The following ZNF804A variants were observed in gnomAD, a reference collection of about 807,000 sequenced individuals.
ZNF804A encodes zinc finger protein 804A.
ZNF804A carries 2 observed loss-of-function variants against 16.5 expected under a neutral mutation model. The observed-to-expected ratio is 0.12, with a 90% CI of 0.05 to 0.38. ZNF804A has a LOEUF of 0.38. ZNF804A is among the 10% of genes least tolerant of loss of function. ZNF804A has a pLI of 0.99. For missense variants in ZNF804A, 1,473 were observed against 1,390.7 expected, an observed-to-expected ratio of 1.06 and a Z score of -0.94; for synonymous variants, 534 against 489.6, an observed-to-expected ratio of 1.09 and a Z score of -1.20.
Position 184,828,292 on chromosome 2 carries a change from T to C in ZNF804A, c.112-38077T>C, listed in dbSNP as rs190975828. On this transcript the variant is annotated intron_variant, in intron 1 of 3. Transcript: ENST00000302277. ...ATCCAGTAGACTCAGAGTCCACAAA[T>C]AGTTTTATTTTGTTAATATAATTAC... Among the ~76,000 whole-genome samples, 341 of 151,948 alleles carry C rather than the reference T, an allele frequency of 2.2e-3. 1 individual carries two copies. The highest frequency in any genetic ancestry group is 3.7e-3 in the Non-Finnish European group (253 of 67,780).
chr2:184,645,088 T>C (rs992177174), intron 1 of ZNF804A, among the ~76,000 whole-genome samples: 1 of 152,106 alleles, frequency 6.6e-6, no homozygotes, highest in African/African-American at 2.4e-5. Flanking sequence ...GATCAGCCTC[T>C]AAAATCCTAT....
chr2:184,852,367 T>C (rs1355431076), intron 1 of ZNF804A, among the ~76,000 whole-genome samples: 3 of 151,508 alleles, frequency 2.0e-5, no homozygotes, highest in African/African-American at 7.3e-5. Context: ...AGGGGGCTAC[T>C]GTATTTTTCC....
intron 1 of ZNF804A, among the ~76,000 whole-genome samples, chr2:184,840,431 G>A (rs541772877): frequency 3.6e-4 from 55 of 151,942 alleles, no homozygotes; most frequent in African/African-American, 1.3e-3. Flanking sequence ...CTATTTTCTT[G>A]TTATTCTCTG....
intron 1 of ZNF804A, among the ~76,000 whole-genome samples, chr2:184,785,704 G>A (rs923372751): frequency 3.3e-5 from 5 of 151,910 alleles, no homozygotes; most frequent in Non-Finnish European, 2.9e-5. Context: ...ATGTATATGT[G>A]TGTATGCATA....
At chr2:184,646,511 C>T (rs1691876234) in intron 1 of ZNF804A, among the ~76,000 whole-genome samples, 1 of 152,198 alleles carries the variant, frequency 6.6e-6, no homozygotes, top group African/African-American at 2.4e-5. Flanking sequence ...CCCCACCCTT[C>T]CTGTGCAGAG....
At chr2:184,601,349 A>G (rs573807522) in intron 1 of ZNF804A, among the ~76,000 whole-genome samples, 9 of 152,164 alleles carry the variant, frequency 5.9e-5, no homozygotes, top group Admixed American at 3.9e-4. Flanking sequence ...GTGATTCTTT[A>G]TAGCACATAG....
intron 1 of ZNF804A, among the ~76,000 whole-genome samples, chr2:184,781,902 G>A (rs1694377236): frequency 1.3e-5 from 2 of 151,798 alleles, no homozygotes; most frequent in South Asian, 4.1e-4. Context: ...TCCCCATTCT[G>A]GAGGCTAAAA....
At position 184,735,175 on chromosome 2, in the gene ZNF804A, T is replaced by C. The variant is rs187450800; in HGVS notation, c.112-131194T>C. ...GTGTTTAAAATGATTATCTATATAG[T>C]TGGATTTCTATCTACCACTTGGTTT... On this transcript the variant is annotated intron_variant, in intron 1 of 3. Coordinates refer to ENST00000302277, the MANE Select transcript of ZNF804A (RefSeq NM_194250.2). Among the ~76,000 whole-genome samples, 28 of 152,328 alleles carry C rather than the reference T, an allele frequency of 1.8e-4. No homozygotes were observed. The East Asian group carries it at 5.0e-3, about 27-fold the overall frequency.
At chr2:184,861,419 A>G (rs886418544) in intron 1 of ZNF804A, among the ~76,000 whole-genome samples, 2 of 152,202 alleles carry the variant, frequency 1.3e-5, no homozygotes, top group Non-Finnish European at 2.9e-5. Context: ...ATGTTTCTGC[A>G]GGAAATAAGC....
At chr2:184,739,896 C>G (rs1693688495) in intron 1 of ZNF804A, among the ~76,000 whole-genome samples, 2 of 152,166 alleles carry the variant, frequency 1.3e-5, no homozygotes, top group African/African-American at 4.8e-5. Flanking sequence ...AGAATCAGTG[C>G]AGACATTCTC....
intron 1 of ZNF804A, among the ~76,000 whole-genome samples, chr2:184,644,024 C>A (rs76627958): frequency 0.27 from 40,791 of 151,392 alleles, 5,736 homozygotes; most frequent in African/African-American, 0.33. Context: ...CCATAAAATT[C>A]TCAAACTACC....
intron 2 of ZNF804A, 85 bp from the exon 3 acceptor site, chr2:184,933,518 T>C: frequency 7.4e-7 from 1 of 1,345,972 alleles, no homozygotes; most frequent in African/African-American, 1.5e-5. Context: ...GATGATGCAT[T>C]GGAAAATTTC....
In ZNF804A at chr2:184,846,826, C is replaced by G. The variant is rs887844274; in HGVS notation, c.112-19543C>G. Among the ~76,000 whole-genome samples the G allele has an allele frequency of 2.1e-4, 32 of 152,014 alleles. No homozygotes were observed. The South Asian group carries it at 2.3e-3, about 11-fold the overall frequency. ...GGCTACTTCTTCCATTAGAGTCCAG[C>G]GATGAAAAATAAAACAGATGCCCCA... On this transcript the variant is annotated intron_variant, in intron 1 of 3. Coordinates refer to ENST00000302277, the MANE Select transcript of ZNF804A (RefSeq NM_194250.2).
intron 1 of ZNF804A, among the ~76,000 whole-genome samples, chr2:184,697,332 C>T (rs1005587514): frequency 2.0e-5 from 3 of 151,982 alleles, no homozygotes; most frequent in Admixed American, 6.6e-5. Flanking sequence ...CCATGCATTA[C>T]GTGTCAAGCC....
chr2:184,887,984 G>C (rs1256579449), intron 2 of ZNF804A, among the ~76,000 whole-genome samples: 1 of 152,102 alleles, frequency 6.6e-6, no homozygotes, highest in East Asian at 1.9e-4. Flanking sequence ...AGTGGAGGTT[G>C]GGAGTACGGT....
intron 1 of ZNF804A, among the ~76,000 whole-genome samples, chr2:184,847,648 C>T (rs1695540831): frequency 2.0e-5 from 3 of 152,026 alleles, no homozygotes; most frequent in Admixed American, 2.0e-4. Context: ...AATTAATCCT[C>T]CAAATCTCTG....
chr2:184,801,375 T>C (rs1694724447), intron 1 of ZNF804A, among the ~76,000 whole-genome samples: 1 of 152,198 alleles, frequency 6.6e-6, no homozygotes, highest in African/African-American at 2.4e-5. Flanking sequence ...TTACTTGTAG[T>C]ATTTCTTCCA....
intron 2 of ZNF804A, among the ~76,000 whole-genome samples, chr2:184,899,239 A>G (rs530117823): frequency 1.1e-4 from 16 of 152,036 alleles, no homozygotes; most frequent in Non-Finnish European, 2.2e-4. Context: ...TATATGTGTG[A>G]CTATTTGCAG....
At chr2:184,897,469 A>AT (rs1026271480) in intron 2 of ZNF804A, among the ~76,000 whole-genome samples, 7 of 139,478 alleles carry the variant, frequency 5.0e-5, no homozygotes, top group Admixed American at 3.6e-4. Context: ...TCCATACAGC[A>AT]TTTTTTTTCC....
Sources: allele counts gnomAD v4.1 joint callset (sites outside exome capture counted in the v4.1 genomes callset), GRCh38; gene constraint gnomAD v4.1.1; transcripts MANE v1.5; gene names NCBI Gene and HGNC (gene_info 2026-07-23, HGNC 2026-07-21).